The following MDFIC variants were observed in gnomAD, a reference collection of about 807,000 sequenced individuals.
MDFIC encodes myoD family inhibitor domain-containing protein.
In MDFIC, 17 loss-of-function variants were observed where a neutral mutation model predicts 23.2. The observed-to-expected ratio is 0.73, with a 90% confidence interval of 0.50 to 1.10. The LOEUF is 1.10. Among genes scored for constraint, MDFIC ranks in the 50% least tolerant of loss-of-function variants. The pLI, the probability that MDFIC is intolerant of heterozygous loss-of-function variation, is 0.00. For synonymous variants in MDFIC, 120 were observed against 115.2 expected, an observed-to-expected ratio of 1.04 and a Z score of -0.27; for missense variants, 356 against 316.6, an observed-to-expected ratio of 1.12 and a Z score of -0.95.
chr7:115,001,063 G>A lies in MDFIC; in HGVS notation c.494-14625G>A, dbSNP rs187702315. Among the ~76,000 whole-genome samples the A allele has an allele frequency of 7.9e-5, 12 of 152,322 alleles. No individual in the cohort carries two copies. In the East Asian group the frequency reaches 2.3e-3, roughly 29 times the overall value. ...TACTTGACTGAAGGGAAAAATGGAA[G>A]ATGGTAGACATCCTCTCAAGTGGAT... On this transcript the variant is annotated intron_variant, in intron 4 of 4. Coordinates refer to ENST00000393486, the MANE Select transcript of MDFIC (RefSeq NM_001166345.3).
chr7:115,010,267 T>C (rs1248783307), intron 4 of MDFIC, among the ~76,000 whole-genome samples: 1 of 152,220 alleles, frequency 6.6e-6, no homozygotes, highest in Non-Finnish European at 1.5e-5. Flanking sequence ...GAATAGGAAC[T>C]ATAACTACTG....
chr7:115,014,433 G>A (rs1172845795), intron 4 of MDFIC: 1 of 1,289,500 alleles, frequency 7.8e-7, no homozygotes, highest in Non-Finnish European at 1.0e-6. Context: ...GCAACAAGCT[G>A]GTTTTCTTTC....
chr7:114,923,955 A>ATG (rs1792141116), intron 2 of MDFIC, among the ~76,000 whole-genome samples: 1 of 152,256 alleles, frequency 6.6e-6, no homozygotes, highest in African/African-American at 2.4e-5. Flanking sequence ...GATTTTAGGC[A>ATG]TAAACTGATA....
At chr7:114,979,819 T>G in intron 4 of MDFIC, 38 bp downstream of exon 4, 1 of 1,580,898 alleles carries the variant, frequency 6.3e-7, no homozygotes, top group South Asian at 1.1e-5. Flanking sequence ...TTTGACCAGA[T>G]GTAAAATAAT....
intron 3 of MDFIC, among the ~76,000 whole-genome samples, chr7:114,954,153 A>G (rs990428164): frequency 2.0e-5 from 3 of 152,232 alleles, no homozygotes; most frequent in Non-Finnish European, 2.9e-5. Flanking sequence ...ACATATTGAT[A>G]TACCTTGGAC....
intron 3 of MDFIC, among the ~76,000 whole-genome samples, chr7:114,959,400 G>T (rs1184010966): frequency 6.6e-6 from 1 of 152,108 alleles, no homozygotes; most frequent in Non-Finnish European, 1.5e-5. Flanking sequence ...TTAATTGAAG[G>T]TGTAGTGTCA....
chr7:114,979,303 T>G (rs541749408), intron 3 of MDFIC, among the ~76,000 whole-genome samples: 1 of 152,334 alleles, frequency 6.6e-6, no homozygotes, highest in African/African-American at 2.4e-5. Context: ...CCACTTTTGA[T>G]GACCCCGTTC....
intron 4 of MDFIC, among the ~76,000 whole-genome samples, chr7:115,012,539 G>T (rs1160637448): frequency 6.6e-6 from 1 of 152,176 alleles, no homozygotes; most frequent in African/African-American, 2.4e-5. Flanking sequence ...GATTAAAGAT[G>T]AGCAAGCCTG....
chr7:114,974,956 G>A (rs994474835), intron 3 of MDFIC, among the ~76,000 whole-genome samples: 8 of 151,512 alleles, frequency 5.3e-5, no homozygotes, highest in Admixed American at 1.3e-4. Context: ...ATGCTAAGCC[G>A]GTGACCAATG....
Position 115,016,051 on chromosome 7 carries a change from C to A in MDFIC, c.*116C>A. ...CAACATGGAATTTGCACTGTTAACT[C>A]ATTATTGTAAGTAATCTCTGAAAGC... is the stretch of plus-strand genomic sequence containing the variant. On this transcript the variant is annotated 3_prime_UTR_variant, in exon 5 of 5. Coordinates refer to ENST00000393486, the MANE Select transcript of MDFIC (RefSeq NM_001166345.3). 1 of 1,065,122 alleles carries A rather than the reference C, an allele frequency of 9.4e-7. No individual in the cohort carries two copies. Among genetic ancestry groups the A allele is most frequent in the Non-Finnish European group, 1.3e-6 (1 of 741,544 alleles). The allele number at this position is 1,065,122 out of a possible 1,614,324, so 66.0% of individuals were successfully genotyped here.
rs144148213 is a variant in MDFIC, at chr7:114,974,238, CT to C, written c.218-5264del. Among the ~76,000 whole-genome samples the C allele has an allele frequency of 3.3e-3, 500 of 152,020 alleles. 3 individuals are homozygous for C. Among genetic ancestry groups the C allele is most frequent in the African/African-American group, 9.8e-3 (407 of 41,488 alleles). ...ATCATGTTAGTTCATATTGAAATAA[CT>C]TTTCATCTTCCTTTTAAAGCTGTTG... is the stretch of plus-strand genomic sequence containing the variant. On this transcript the variant is annotated intron_variant, in intron 3 of 4. Coordinates refer to ENST00000393486, the MANE Select transcript of MDFIC (RefSeq NM_001166345.3).
At chr7:114,960,352 T>G (rs537185946) in intron 3 of MDFIC, among the ~76,000 whole-genome samples, 34 of 152,198 alleles carry the variant, frequency 2.2e-4, no homozygotes, top group Non-Finnish European at 4.1e-4. Context: ...GTTTTCAGGC[T>G]GATCCAGAGA....
At chr7:114,996,674 G>A (rs1791339064) in intron 4 of MDFIC, among the ~76,000 whole-genome samples, 1 of 152,108 alleles carries the variant, frequency 6.6e-6, no homozygotes, top group Admixed American at 6.6e-5. Context: ...CTGGCCTCTG[G>A]ATATTTGGAG....
chr7:114,999,538 T>C (rs17137520), intron 4 of MDFIC, among the ~76,000 whole-genome samples: 4,923 of 152,060 alleles, frequency 0.032, 173 homozygotes, highest in South Asian at 0.095. Flanking sequence ...ATTACTTACA[T>C]ATAGTGTTAA....
At position 115,017,425 on chromosome 7, in the gene MDFIC, G is replaced by T. The variant is rs1443473700; in HGVS notation, c.*1490G>T. On this transcript the variant is annotated 3_prime_UTR_variant, in exon 5 of 5. Transcript: ENST00000393486. The stretch of plus-strand genomic sequence containing the variant: ...ATTTTGAGAGCTTTAGGTCTTTTTG[G>T]GATGAGAACATTTTAGTTGTTTAGT... The T allele has an allele frequency of 1.3e-5, 2 of 152,150 alleles. No homozygotes were observed. Among genetic ancestry groups the T allele is most frequent in the African/African-American group, 4.8e-5 (2 of 41,340 alleles). 9.4% of individuals were successfully genotyped at this position (152,150 alleles called of 1,614,324 possible).
chr7:114,973,163 T>G (rs1263682415), intron 3 of MDFIC, among the ~76,000 whole-genome samples: 1 of 151,672 alleles, frequency 6.6e-6, no homozygotes, highest in African/African-American at 2.4e-5. Context: ...AGTACATAGT[T>G]GTTAATAGGC....
At chr7:114,974,778 T>C (rs1049055844) in intron 3 of MDFIC, among the ~76,000 whole-genome samples, 6 of 152,132 alleles carry the variant, frequency 3.9e-5, no homozygotes, top group African/African-American at 1.4e-4. Context: ...ATTATTCTTA[T>C]TGAAAATCGC....
intron 4 of MDFIC, among the ~76,000 whole-genome samples, chr7:114,984,306 A>G (rs1316337027): frequency 1.3e-5 from 2 of 152,110 alleles, no homozygotes; most frequent in Non-Finnish European, 2.9e-5. Flanking sequence ...ATTCCTGAAA[A>G]GGCTGGACTG....
intron 4 of MDFIC, among the ~76,000 whole-genome samples, chr7:114,981,885 G>T (rs1793423259): frequency 6.6e-6 from 1 of 151,964 alleles, no homozygotes; most frequent in Non-Finnish European, 1.5e-5. Flanking sequence ...TTATTCTCTG[G>T]CAATGTACTG....
Sources: gnomAD v4.1 joint callset for allele counts (sites outside exome capture counted in the v4.1 genomes callset) on GRCh38, gnomAD v4.1.1 for gene constraint, MANE v1.5 for transcripts, NCBI Gene and HGNC (gene_info 2026-07-23, HGNC 2026-07-21) for gene names.